Variants in ZNF688 observed in about 807,000 individuals in gnomAD.
ZNF688 encodes zinc finger protein 688.
A neutral mutation model predicts 13.2 loss-of-function variants in ZNF688; 10 were observed. The observed-to-expected ratio is 0.76, with a 90% CI of 0.47 to 1.28. The LOEUF (loss-of-function observed/expected upper bound fraction) is 1.28. Among genes scored for constraint, ZNF688 ranks in the 50% most tolerant of loss-of-function variants. ZNF688 has a pLI of 0.00. For synonymous variants in ZNF688, 160 were observed against 159.4 expected (o/e 1.00, Z -0.03); for missense variants, 381 against 391.4 (o/e 0.97, Z 0.22).
At chr16:30,575,495 C>T (rs964954370), upstream of ZNF688, among the ~76,000 whole-genome samples, 5 of 152,116 alleles carry the variant, frequency 3.3e-5, no homozygotes, top group African/African-American at 1.2e-4. Flanking sequence ...ATCGACCAGC[C>T]TTGGCCTCCC....
At chr16:30,572,176 G>A (rs376786187), upstream of ZNF688, 3 of 1,607,632 alleles carry the variant, frequency 1.9e-6, no homozygotes, top group Non-Finnish European at 2.5e-6. Context: ...CCCGGAAGAA[G>A]CTGCGCGGTG....
upstream of ZNF688, among the ~76,000 whole-genome samples, chr16:30,576,249 T>C (rs898262925): frequency 6.6e-6 from 1 of 151,776 alleles, no homozygotes; most frequent in Admixed American, 6.6e-5. Flanking sequence ...TCTCGCTCTG[T>C]TGCCCAGGCT....
rs572938950 is a variant in ZNF688, at chr16:30,570,629, G to A, written c.311-193C>T. 3.6e-5 allele frequency: 23 copies of A among 632,428 alleles called. No individual in the cohort carries two copies. In the South Asian group the frequency reaches 5.3e-4, roughly 15 times the overall value. 39.2% of individuals were successfully genotyped at this position (632,428 alleles called of 1,614,324 possible). A position where few individuals can be genotyped will look rare whatever the true frequency, so the allele number is the denominator to read the frequency against. On this transcript the variant is annotated intron_variant, in intron 2 of 2. Coordinates refer to ENST00000223459, the MANE Select transcript of ZNF688 (RefSeq NM_145271.4). Reference sequence around the variant, plus strand: ...AGCCTTGGTTCCTTATGCATCAAATGGGAATAATAATGGCTTTTGACTTCA... The same window carrying A: ...AGCCTTGGTTCCTTATGCATCAAATAGGAATAATAATGGCTTTTGACTTCA...
upstream of ZNF688, chr16:30,572,167 C>T (rs372169982): frequency 1.2e-6 from 2 of 1,606,956 alleles, no homozygotes; most frequent in African/African-American, 2.7e-5. Context: ...GGCGACGATC[C>T]CGGAAGAAGC....
Position 30,570,261 on chromosome 16 carries a change from G to A in ZNF688, c.486C>T (p.Thr162=), listed in dbSNP as rs1293477402. ...QPPKNAAWDP[T]TGAQPPAPIP... is the part of the protein sequence containing the mutation. ...TGGGTGCCGGGGGCTGTGCTCCTGT[G>A]GTCGGGTCCCAGGCAGCATTTTTGG... The change falls in exon 3 of 3, where the codon ACC becomes ACT. Residue 162 remains threonine, a synonymous_variant. Coordinates refer to ENST00000223459, the MANE Select transcript of ZNF688 (RefSeq NM_145271.4). 4 of 1,613,680 alleles carry A rather than the reference G, an allele frequency of 2.5e-6. No individual in the cohort carries two copies. The highest frequency in any genetic ancestry group is 3.4e-6 in the Non-Finnish European group (4 of 1,179,930).
At chr16:30,572,294 T>G (rs1243969034), upstream of ZNF688, 2 of 1,488,870 alleles carry the variant, frequency 1.3e-6, no homozygotes, top group Non-Finnish European at 1.8e-6. Context: ...CTCGGGATTG[T>G]GTCCCCTACG....
At position 30,571,642 on chromosome 16, in the gene ZNF688, C is replaced by A; in HGVS notation, c.-13G>T. 7.2e-7 allele frequency: 1 copy of A among 1,392,028 alleles called. No homozygotes were observed. Among genetic ancestry groups the A allele is most frequent in the Non-Finnish European group, 9.3e-7 (1 of 1,076,904 alleles). The allele number at this position is 1,392,028 out of a possible 1,614,324, so 86.2% of individuals were successfully genotyped here. Reference sequence around the variant, plus strand: ...GGGGCGGCGCCATGGGGCCTCGCAGCCCCGATCGGCGGCCGCCAGGTCCCT... The same window carrying A: ...GGGGCGGCGCCATGGGGCCTCGCAGACCCGATCGGCGGCCGCCAGGTCCCT... On this transcript the variant is annotated 5_prime_UTR_variant, in exon 1 of 3. Coordinates refer to ENST00000223459, the MANE Select transcript of ZNF688 (RefSeq NM_145271.4).
Position 30,571,062 on chromosome 16 carries a change from G to A in ZNF688, c.258C>T (p.Ser86=), listed in dbSNP as rs771598650. 17 of 1,610,518 alleles carry A rather than the reference G, an allele frequency of 1.1e-5. No individual in the cohort carries two copies. The highest frequency in any genetic ancestry group is 1.2e-5 in the Non-Finnish European group (14 of 1,178,782). ...SWMEQESEAW[S]PAAQDPEKGE... ...CCTTCTCAGGATCCTGGGCGGCGGG[G>A]CTCCAAGCCTCACTCTCCTGTTCCA... The change falls in exon 2 of 3, where the codon AGC becomes AGT. Residue 86 remains serine, a synonymous_variant. Coordinates refer to ENST00000223459, the MANE Select transcript of ZNF688 (RefSeq NM_145271.4).
chr16:30,575,649 C>CTCTTTTTTTT, upstream of ZNF688, among the ~76,000 whole-genome samples: 1 of 151,572 alleles, frequency 6.6e-6, no homozygotes, highest in Non-Finnish European at 1.5e-5. Context: ...GAGTTCCCTT[C>CTCTTTTTTTT]TCTTTTTTTT....
At chr16:30,578,053 A>C in the ZNF688 span, among the ~76,000 whole-genome samples, 9 of 152,256 alleles carry the variant, frequency 5.9e-5, no homozygotes, top group African/African-American at 2.2e-4. Context: ...AAAATACAAA[A>C]ATTGGCCGGG....
the ZNF688 span, chr16:30,579,414 G>C: frequency 5.6e-6 from 1 of 178,204 alleles, no homozygotes; most frequent in Non-Finnish European, 1.2e-5. Flanking sequence ...TTGAGACAGA[G>C]TCCTGCTTTG....
chr16:30,570,329 G>T lies in ZNF688; in HGVS notation c.418C>A (p.Pro140Thr), dbSNP rs200191944. ...ESPEVLVERN[P>T]DPAISVAPAR... Reference sequence around the variant, plus strand: ...GGGGCCACGCTAATAGCTGGGTCAGGGTTGCGTTCCACCAGCACTTCAGGA... The same window carrying T: ...GGGGCCACGCTAATAGCTGGGTCAGTGTTGCGTTCCACCAGCACTTCAGGA... Residue 140 changes from proline (P) to threonine (T), a missense_variant, in exon 3 of 3, where the codon CCT becomes ACT. By Grantham distance (38) the Pro-to-Thr change is conservative. Coordinates refer to ENST00000223459, the MANE Select transcript of ZNF688 (RefSeq NM_145271.4). 17 of 1,613,998 alleles carry T rather than the reference G, an allele frequency of 1.1e-5. No homozygotes were observed. Among genetic ancestry groups the T allele is most frequent in the Non-Finnish European group, 1.4e-5 (16 of 1,180,048 alleles).
At chr16:30,577,665 C>A (rs1368040049), upstream of ZNF688, among the ~76,000 whole-genome samples, 1 of 151,014 alleles carries the variant, frequency 6.6e-6, no homozygotes, top group African/African-American at 2.4e-5. Context: ...TGAGCCACTG[C>A]ACACTGTACC....
upstream of ZNF688, among the ~76,000 whole-genome samples, chr16:30,576,618 G>A (rs1446319004): frequency 1.3e-5 from 2 of 152,122 alleles, no homozygotes; most frequent in East Asian, 3.9e-4. Context: ...CTCCTAAGCT[G>A]CTGGGATTAT....
chr16:30,573,367 C>G (rs1476704562), upstream of ZNF688, among the ~76,000 whole-genome samples: 1 of 152,138 alleles, frequency 6.6e-6, no homozygotes, highest in Non-Finnish European at 1.5e-5. Context: ...TCTCCCCTTC[C>G]TGCTGTCCTG....
At chr16:30,575,562 TTTTG>T (rs1488480683), upstream of ZNF688, among the ~76,000 whole-genome samples, 1 of 152,036 alleles carries the variant, frequency 6.6e-6, no homozygotes, top group African/African-American at 2.4e-5. Flanking sequence ...GTAGTTCTGT[TTTTG>T]TTTTTTTCAG....
At chr16:30,576,034 A>G (rs570250962), upstream of ZNF688, among the ~76,000 whole-genome samples, 7 of 152,258 alleles carry the variant, frequency 4.6e-5, no homozygotes, top group Non-Finnish European at 8.8e-5. Flanking sequence ...TAACTAAGGT[A>G]CGATAATATC....
rs774390079 is a variant in ZNF688 at position 30,570,267 on chromosome 16, G to A, written c.480C>T (p.Asp160=). 1.9e-6 allele frequency: 3 copies of A among 1,613,828 alleles called. No homozygotes were observed. The highest frequency in any genetic ancestry group is 2.5e-6 in the Non-Finnish European group (3 of 1,179,922). Residue 160 remains aspartate (D), a synonymous_variant, in exon 3 of 3, where the codon GAC becomes GAT. Transcript: ENST00000223459. The part of the protein sequence containing the change: ...RAQPPKNAAW[D]PTTGAQPPAP... Reference sequence around the variant, plus strand: ...CCGGGGGCTGTGCTCCTGTGGTCGGGTCCCAGGCAGCATTTTTGGGTGGCT... The same window carrying A: ...CCGGGGGCTGTGCTCCTGTGGTCGGATCCCAGGCAGCATTTTTGGGTGGCT...
rs1269088311 is a variant in ZNF688, at chr16:30,569,920, C to T, written c.827G>A (p.Gly276Asp). Residue 276 changes from glycine (G) to aspartate (D), a missense_variant, in exon 3 of 3, where the codon GGC becomes GAC. Coordinates refer to ENST00000223459, the MANE Select transcript of ZNF688 (RefSeq NM_145271.4). ...RHYPDIFEEC[G>D] is the part of the protein sequence containing the mutation. ...AACTCCAGCCTGCGGTGCCGCTCAG[C>T]CGCACTCCTCGAAGATGTCTGGGTA... 1 of 1,541,344 alleles carries T rather than the reference C, an allele frequency of 6.5e-7. No individual in the cohort carries two copies. Among genetic ancestry groups the T allele is most frequent in the Non-Finnish European group, 8.7e-7 (1 of 1,144,232 alleles).
Sources: gnomAD v4.1 joint callset for allele counts (sites outside exome capture counted in the v4.1 genomes callset) on GRCh38, gnomAD v4.1.1 for gene constraint, MANE v1.5 for transcripts, NCBI Gene and HGNC (gene_info 2026-07-23, HGNC 2026-07-21) for gene names.